The following LRRC7 variants were observed in gnomAD, a reference collection of about 807,000 sequenced individuals.
LRRC7 encodes leucine-rich repeat-containing protein 7.
LRRC7 carries 23 observed loss-of-function variants against 175.7 expected under a neutral mutation model. That is an observed-to-expected ratio of 0.13 (90% CI 0.09 to 0.19). LRRC7 has a LOEUF of 0.19. Ranked by LOEUF, LRRC7 falls within the 10% of genes least tolerant of loss-of-function variation. The pLI is 1.00. For synonymous variants in LRRC7, 685 were observed against 680.9 expected (o/e 1.01, Z -0.09); for missense variants, 1,354 against 1,904.7 (o/e 0.71, Z 5.38).
intron 7 of LRRC7, among the ~76,000 whole-genome samples, chr1:69,926,753 CTT>C (rs1055178516): frequency 1.3e-5 from 2 of 152,122 alleles, no homozygotes; most frequent in South Asian, 2.1e-4. Flanking sequence ...GGTCTTGACT[CTT>C]TATCCAATTT....
At chr1:69,996,371 G>T (rs1037749988) in intron 11 of LRRC7, among the ~76,000 whole-genome samples, 3 of 152,046 alleles carry the variant, frequency 2.0e-5, no homozygotes, top group Non-Finnish European at 4.4e-5. Context: ...CACTCTGATG[G>T]TAGTTTCTTT....
In LRRC7 at chr1:69,783,356, A is replaced by C. The variant is rs1569830074; in HGVS notation, c.304-8687A>C. On this transcript the variant is annotated intron_variant, in intron 3 of 26. Transcript: ENST00000651989. ...TGAGAGAGGGATAGACAAATAGACC[A>C]GTAGGCTAGAAATAGAAAGTCCAGA... Among the ~76,000 whole-genome samples, 4 of 152,362 alleles carry C rather than the reference A, an allele frequency of 2.6e-5. 1 individual carries two copies. Among genetic ancestry groups the C allele is most frequent in the Admixed American group, 2.6e-4 (4 of 15,300 alleles).
chr1:69,916,277 A>G (rs928928853), intron 7 of LRRC7, among the ~76,000 whole-genome samples: 7 of 134,470 alleles, frequency 5.2e-5, no homozygotes, highest in African/African-American at 8.2e-5. Flanking sequence ...ATATAAATAT[A>G]TATCATATAT....
At chr1:70,097,050 T>C (rs1420407761) in intron 25 of LRRC7, among the ~76,000 whole-genome samples, 1 of 152,214 alleles carries the variant, frequency 6.6e-6, no homozygotes, top group Non-Finnish European at 1.5e-5. Context: ...CTTTAACCTA[T>C]GCCTTTTTAA....
rs561547899 is a variant in LRRC7, at chr1:69,586,498, A to G, written c.2+17857A>G. Among the ~76,000 whole-genome samples the G allele has an allele frequency of 2.4e-4, 36 of 152,100 alleles. 1 individual carries two copies. In the South Asian group the frequency reaches 2.7e-3, roughly 11 times the overall value. The stretch of plus-strand genomic sequence containing the variant: ...AAACTGTGAGTTGGGGAGATTTTCA[A>G]TGTGGCGGGGGACAGGATGCAGCAG... On this transcript the variant is annotated intron_variant, in intron 1 of 26. Transcript: ENST00000651989.
intron 14 of LRRC7, among the ~76,000 whole-genome samples, chr1:70,018,342 A>T (rs1657143249): frequency 6.6e-6 from 1 of 152,068 alleles, no homozygotes; most frequent in African/African-American, 2.4e-5. Flanking sequence ...CATAAATTTG[A>T]TAGCAAATTC....
intron 8 of LRRC7, among the ~76,000 whole-genome samples, chr1:69,956,990 G>A (rs899319725): frequency 1.1e-4 from 17 of 151,496 alleles, no homozygotes; most frequent in Non-Finnish European, 1.9e-4. Context: ...TTGAAGCACA[G>A]CAAAATTAAA....
intron 23 of LRRC7, among the ~76,000 whole-genome samples, chr1:70,056,777 G>A (rs925176017): frequency 1.3e-5 from 2 of 152,166 alleles, no homozygotes; most frequent in African/African-American, 4.8e-5. Flanking sequence ...TTGGCGTAGA[G>A]TAGACAGGGC....
At position 69,699,140 on chromosome 1, in the gene LRRC7, G is replaced by A. The variant is rs566204863; in HGVS notation, c.100+20662G>A. On this transcript the variant is annotated intron_variant, in intron 2 of 26. Transcript: ENST00000651989. ...GCGATGCCCCTTGAGATTTGAAAAAGGAGCTGGAGACACTTTGTGGAGAAA... is the reference window on the plus strand; with the variant it reads ...GCGATGCCCCTTGAGATTTGAAAAAAGAGCTGGAGACACTTTGTGGAGAAA... Among the ~76,000 whole-genome samples, 3 of 152,236 alleles carry A rather than the reference G, an allele frequency of 2.0e-5. No homozygotes were observed. In the East Asian group the frequency reaches 5.8e-4, roughly 29 times the overall value.
intron 1 of LRRC7, among the ~76,000 whole-genome samples, chr1:69,634,454 T>A (rs2100394765): frequency 6.6e-6 from 1 of 152,302 alleles, no homozygotes; most frequent in Middle Eastern, 3.4e-3. Flanking sequence ...TTTTCCCATG[T>A]GGCCCAGCTC....
chr1:69,928,060 A>T (rs888182571), intron 7 of LRRC7, among the ~76,000 whole-genome samples: 22 of 152,102 alleles, frequency 1.4e-4, no homozygotes, highest in African/African-American at 4.1e-4. Flanking sequence ...GGAGTTTGCT[A>T]GAGGTCCACA....
intron 2 of LRRC7, among the ~76,000 whole-genome samples, chr1:69,734,621 T>C (rs1300347549): frequency 6.6e-6 from 1 of 152,002 alleles, no homozygotes; most frequent in Non-Finnish European, 1.5e-5. Flanking sequence ...TCTTTGCTTT[T>C]ATAAATGATT....
chr1:70,035,276 A>T (rs1659185582), intron 18 of LRRC7, among the ~76,000 whole-genome samples: 1 of 152,136 alleles, frequency 6.6e-6, no homozygotes, highest in African/African-American at 2.4e-5. Flanking sequence ...GAAAGTGAGA[A>T]TTTGGTATTT....
chr1:69,655,381 T>C (rs1399145938), intron 1 of LRRC7, among the ~76,000 whole-genome samples: 1 of 148,192 alleles, frequency 6.7e-6, no homozygotes, highest in African/African-American at 2.5e-5. Context: ...CCTAGCAATT[T>C]GGCTCTTGTC....
intron 1 of LRRC7, among the ~76,000 whole-genome samples, chr1:69,672,255 T>A (rs573761921): frequency 1.8e-4 from 27 of 152,262 alleles, no homozygotes; most frequent in East Asian, 1.5e-3. Flanking sequence ...TACATTTTTT[T>A]AAAAAAATTG....
chr1:69,580,951 G>A (rs1646176044), intron 1 of LRRC7, among the ~76,000 whole-genome samples: 1 of 152,132 alleles, frequency 6.6e-6, no homozygotes, highest in Admixed American at 6.6e-5. Flanking sequence ...AAGTTAGCCA[G>A]ACAAAGAAAG....
chr1:69,991,146 A>G lies in LRRC7; in HGVS notation c.932-3415A>G, dbSNP rs554732093. Among the ~76,000 whole-genome samples the G allele has an allele frequency of 2.2e-3, 161 of 71,930 alleles. 1 individual carries two copies. The highest frequency in any genetic ancestry group is 7.1e-3 in the African/African-American group (151 of 21,246). 47.2% of individuals were successfully genotyped at this position (71,930 alleles called of 152,430 possible). A position where few individuals can be genotyped will look rare whatever the true frequency, so the allele number is the denominator to read the frequency against. Reference sequence around the variant, plus strand: ...ACTCCAACCTGGGTGACAGAATGGGACCTTTTATCAAAAAAAAAAAAAAAC... The same window carrying G: ...ACTCCAACCTGGGTGACAGAATGGGGCCTTTTATCAAAAAAAAAAAAAAAC... On this transcript the variant is annotated intron_variant, in intron 10 of 26. Transcript: ENST00000651989.
chr1:69,643,448 C>A (rs556316576), intron 1 of LRRC7, among the ~76,000 whole-genome samples: 2 of 152,228 alleles, frequency 1.3e-5, no homozygotes, highest in East Asian at 1.9e-4. Flanking sequence ...GAGGGCCCAA[C>A]AAAACAACTC....
intron 1 of LRRC7, among the ~76,000 whole-genome samples, chr1:69,579,615 T>G (rs1048744830): frequency 3.3e-5 from 5 of 152,130 alleles, no homozygotes; most frequent in Admixed American, 2.6e-4. Flanking sequence ...TGAATGACTG[T>G]TTCAATGAAT....
Sources: gnomAD v4.1 joint callset for allele counts (sites outside exome capture counted in the v4.1 genomes callset) on GRCh38, gnomAD v4.1.1 for gene constraint, MANE v1.5 for transcripts, NCBI Gene and HGNC (gene_info 2026-07-23, HGNC 2026-07-21) for gene names.